Variants in GNB1L observed in about 807,000 individuals in gnomAD.
GNB1L encodes G protein subunit beta 1 like.
In GNB1L, 20 loss-of-function variants were observed where a neutral mutation model predicts 29.1. The observed-to-expected ratio is 0.69, with a 90% CI of 0.48 to 1.00. GNB1L has a LOEUF of 1.00. Ranked by LOEUF, GNB1L falls within the 50% of genes least tolerant of loss-of-function variation. The probability of loss-of-function intolerance (pLI) is 0.00; values close to 1 mark genes in which losing one functional copy is unlikely to be tolerated. For synonymous variants in GNB1L, 193 were observed against 206.5 expected (o/e 0.93, Z 0.56); for missense variants, 421 against 464.9 (o/e 0.91, Z 0.87).
intron 2 of GNB1L, among the ~76,000 whole-genome samples, chr22:19,821,755 G>A (rs1474221921): frequency 1.3e-5 from 2 of 152,182 alleles, no homozygotes; most frequent in Admixed American, 6.5e-5. Context: ...ACACTTCCTC[G>A]GCCACTCTGG....
At chr22:19,800,474 G>A (rs1937356497) in intron 7 of GNB1L, among the ~76,000 whole-genome samples, 1 of 152,140 alleles carries the variant, frequency 6.6e-6, no homozygotes, top group Admixed American at 6.5e-5. Context: ...GAGGAGGGAG[G>A]GAGTGCAAGG....
chr22:19,846,284 G>T, intron 2 of GNB1L: 1 of 336,850 alleles, frequency 3.0e-6, no homozygotes, highest in Non-Finnish European at 4.2e-6. Context: ...GTGGACTCAA[G>T]GTTGAATGTC....
intron 4 of GNB1L, 84 bp from the exon 5 acceptor site, chr22:19,812,531 G>A (rs1937510152): frequency 7.5e-7 from 1 of 1,338,906 alleles, no homozygotes; most frequent in African/African-American, 1.5e-5. Context: ...GGAAGGCAAG[G>A]CCATGTTTCC....
chr22:19,850,850 C>T (rs1246570155), intron 2 of GNB1L: 1 of 1,306,478 alleles, frequency 7.7e-7, no homozygotes, highest in African/African-American at 1.5e-5. Context: ...GATGATGCAA[C>T]TATCTGCTGA....
chr22:19,831,595 G>A (rs1937681220), intron 2 of GNB1L, among the ~76,000 whole-genome samples: 2 of 151,582 alleles, frequency 1.3e-5, no homozygotes, highest in African/African-American at 4.8e-5. Context: ...GGAGGCTGAG[G>A]TAGGAGAATG....
intron 2 of GNB1L, among the ~76,000 whole-genome samples, chr22:19,826,859 C>G (rs1347470800): frequency 6.6e-6 from 1 of 152,128 alleles, no homozygotes; most frequent in Non-Finnish European, 1.5e-5. Flanking sequence ...CTCAATCCAG[C>G]CATAAAGGAA....
intron 2 of GNB1L, chr22:19,847,918 T>C (rs922736779): frequency 5.1e-6 from 5 of 984,250 alleles, no homozygotes; most frequent in African/African-American, 3.5e-5. Flanking sequence ...GGCACATACA[T>C]GGCTTTACTA....
At chr22:19,847,419 A>T in intron 2 of GNB1L, 3 of 984,784 alleles carry the variant, frequency 3.0e-6, no homozygotes, top group Non-Finnish European at 3.6e-6. Context: ...GACACCCATG[A>T]GGTGGGTGTT....
intron 7 of GNB1L, chr22:19,792,472 A>G (rs762365598): frequency 7.0e-6 from 11 of 1,579,854 alleles, no homozygotes; most frequent in Admixed American, 3.3e-5. Flanking sequence ...TGGCCCCGCT[A>G]TATCAGGTTG....
chr22:19,824,742 C>T (rs943569391), intron 2 of GNB1L, among the ~76,000 whole-genome samples: 5 of 152,234 alleles, frequency 3.3e-5, no homozygotes, highest in Admixed American at 1.3e-4. Flanking sequence ...ACACCCCACT[C>T]AAGGGAGGCA....
intron 2 of GNB1L, among the ~76,000 whole-genome samples, chr22:19,835,186 T>C (rs185395991): frequency 6.4e-4 from 97 of 152,126 alleles, no homozygotes; most frequent in Non-Finnish European, 1.2e-3. Context: ...AACTCCTCCT[T>C]AGTAACTGAC....
rs573762517 is a variant in GNB1L at position 19,802,177 on chromosome 22, C to T, written c.556G>A (p.Glu186Lys). Residue 186 changes from glutamate (E) to lysine (K), a missense_variant, in exon 7 of 8, where the codon GAG becomes AAG. Physicochemically the swap from Glu to Lys is moderately conservative, Grantham distance 56. Transcript: ENST00000329517. Reference protein sequence around the residue: ...SSRPLLLAGYEDGSVVLWDVS... With the variant: ...SSRPLLLAGYKDGSVVLWDVS... ...TCCCACAGGACCACCGATCCATCCT[C>T]ATAGCCGGCCAGAAGGAGTGGGCGG... is the stretch of plus-strand genomic sequence containing the variant. The T allele has an allele frequency of 5.0e-6, 8 of 1,613,226 alleles. No individual in the cohort carries two copies. In the South Asian group the frequency reaches 5.5e-5, roughly 11 times the overall value.
At chr22:19,810,921 C>T (rs1047240866) in intron 5 of GNB1L, among the ~76,000 whole-genome samples, 9 of 152,172 alleles carry the variant, frequency 5.9e-5, no homozygotes, top group Non-Finnish European at 1.0e-4. Flanking sequence ...GCACAGGGGA[C>T]GTGTGGCAGG....
intron 7 of GNB1L, among the ~76,000 whole-genome samples, chr22:19,801,603 CA>C (rs1440007892): frequency 6.6e-6 from 1 of 151,996 alleles, no homozygotes; most frequent in Non-Finnish European, 1.5e-5. Flanking sequence ...TCCCTCGGGC[CA>C]GCTCCAGACC....
intron 2 of GNB1L, among the ~76,000 whole-genome samples, chr22:19,823,465 A>G (rs571938105): frequency 6.6e-6 from 1 of 152,312 alleles, no homozygotes; most frequent in South Asian, 2.1e-4. Flanking sequence ...TGTTTGTGCT[A>G]TGCCTGCCAG....
intron 2 of GNB1L, among the ~76,000 whole-genome samples, chr22:19,823,418 G>A (rs555668774): frequency 1.2e-4 from 18 of 152,332 alleles, no homozygotes; most frequent in African/African-American, 2.4e-4. Context: ...TGCCCTCAGC[G>A]GGCTGGCTTG....
At chr22:19,806,258 G>A (rs950083821) in intron 6 of GNB1L, among the ~76,000 whole-genome samples, 5 of 152,246 alleles carry the variant, frequency 3.3e-5, no homozygotes, top group African/African-American at 9.6e-5. Flanking sequence ...TAAGCAAAGC[G>A]GGGGCCGTGC....
intron 6 of GNB1L, among the ~76,000 whole-genome samples, chr22:19,803,230 C>G (rs1299456439): frequency 3.3e-5 from 5 of 152,228 alleles, no homozygotes; most frequent in African/African-American, 1.2e-4. Context: ...AACCCGAGGC[C>G]AGAGCTGGTC....
intron 6 of GNB1L, among the ~76,000 whole-genome samples, chr22:19,803,933 C>A (rs1457297271): frequency 1.3e-5 from 2 of 152,286 alleles, no homozygotes; most frequent in Non-Finnish European, 2.9e-5. Flanking sequence ...CACCGATGTC[C>A]TTCTGGCAGT....
Sources: allele counts gnomAD v4.1 joint callset (sites outside exome capture counted in the v4.1 genomes callset), GRCh38; gene constraint gnomAD v4.1.1; transcripts MANE v1.5; gene names NCBI Gene and HGNC (gene_info 2026-07-23, HGNC 2026-07-21).